Variants in VCAN observed in about 807,000 individuals in gnomAD.
VCAN encodes versican, also known as versican core protein.
VCAN carries 44 observed loss-of-function variants against 245.5 expected under a neutral mutation model. The observed-to-expected ratio is 0.18, with a 90% CI of 0.14 to 0.23. The LOEUF (loss-of-function observed/expected upper bound fraction) is 0.23. Among genes scored for constraint, VCAN ranks in the 10% least tolerant of loss-of-function variants. The pLI is 1.00. For synonymous variants in VCAN, 1,413 were observed against 1,437.0 expected, an observed-to-expected ratio of 0.98 and a Z score of 0.38; for missense variants, 3,793 against 4,057.9, an observed-to-expected ratio of 0.93 and a Z score of 1.77.
In VCAN at chr5:83,547,354, AACATTCTTAGG is replaced by A. The variant is rs1402368231; in HGVS notation, c.9380-616_9380-606del. ...GGTGGAATTGGAATTGTGGATTTTT[AACATTCTTAGG>A]TGATGCTGATGTTGTTTGTGGTCCA... On this transcript the variant is annotated intron_variant, in intron 9 of 14. Transcript: ENST00000265077. Among the ~76,000 whole-genome samples the A allele has an allele frequency of 4.7e-4, 72 of 152,188 alleles. 1 individual carries two copies. Among genetic ancestry groups the A allele is most frequent in the Admixed American group, 4.7e-3 (72 of 15,278 alleles).
intron 12 of VCAN, among the ~76,000 whole-genome samples, chr5:83,556,152 C>T (rs1258950730): frequency 6.6e-6 from 1 of 152,146 alleles, no homozygotes; most frequent in Non-Finnish European, 1.5e-5. Context: ...TAAGCACTTG[C>T]TTATGTTTAT....
rs2112439335 is a variant in VCAN at position 83,537,150 on chromosome 5, C to G, written c.4147C>G (p.Leu1383Val). The change falls in exon 8 of 15, where the codon CTA becomes GTA. Residue 1383 changes from leucine (L) to valine (V), a missense_variant. By Grantham distance (32) the Leu-to-Val change is conservative (BLOSUM62 1). Around this residue, in one of 5 missense-constraint regions of VCAN, gnomAD observed 3,182 missense variants for 3,250.3 expected, o/e 0.98. Transcript: ENST00000265077. ...ATTCCCTGACATAATTGAAATAGAC[C>G]TATACCACAGTGAAGAAAATGAAGA... ...PEFPDIIEID[L>V]YHSEENEEEE... 6.2e-7 allele frequency: 1 copy of G among 1,613,692 alleles called. No homozygotes were observed. Among genetic ancestry groups the G allele is most frequent in the East Asian group, 2.2e-5 (1 of 44,844 alleles).
In VCAN at chr5:83,519,968, A is replaced by G; in HGVS notation, c.1662A>G (p.Glu554=). 1 of 1,614,098 alleles carries G rather than the reference A, an allele frequency of 6.2e-7. No homozygotes were observed. Among genetic ancestry groups the G allele is most frequent in the Non-Finnish European group, 8.5e-7 (1 of 1,179,968 alleles). ...TTGHYGFTLG[E]EDDEDRTLTV... ...GTCACTATGGATTCACCTTGGGAGA[A>G]GAGGATGATGAAGACAGAACACTTA... The change falls in exon 7 of 15, where the codon GAA becomes GAG. Residue 554 remains glutamate, a synonymous_variant. Coordinates refer to ENST00000265077, the MANE Select transcript of VCAN (RefSeq NM_004385.5).
At chr5:83,501,398 T>C (rs540299449) in intron 5 of VCAN, among the ~76,000 whole-genome samples, 1 of 152,328 alleles carries the variant, frequency 6.6e-6, no homozygotes, top group East Asian at 1.9e-4. Context: ...TGAAGATTTA[T>C]CTCTGTGTTT....
Position 83,521,319 on chromosome 5 carries a change from C to T in VCAN, c.3013C>T (p.Leu1005Phe), listed in dbSNP as rs1746088709. 1 of 1,614,092 alleles carries T rather than the reference C, an allele frequency of 6.2e-7. No homozygotes were observed. The highest frequency in any genetic ancestry group is 1.7e-4 in the Middle Eastern group (1 of 6,058). Residue 1005 changes from leucine to phenylalanine, a missense_variant, in exon 7 of 15, where the codon CTT becomes TTT. This residue lies in a region of VCAN where 3,182 missense variants were observed against 3,250.3 expected (regional missense o/e 0.98). Transcript: ENST00000265077. ...TCTAGGTGAACCCTCTCAAGACATA[C>T]TTGTCATTGATCAGACTCGCCTTGA... The part of the protein sequence containing the change: ...EVLGEPSQDI[L>F]VIDQTRLEAT...
chr5:83,541,038 A>G lies in VCAN; in HGVS notation c.8035A>G (p.Thr2679Ala), dbSNP rs1746960647. 1.9e-6 allele frequency: 3 copies of G among 1,614,086 alleles called. No individual in the cohort carries two copies. Among genetic ancestry groups the G allele is most frequent in the Non-Finnish European group, 2.5e-6 (3 of 1,179,994 alleles). The part of the protein sequence containing the change: ...HFTTGIPAPS[T>A]ETELDVLLPT... ...CACAACTGGGATCCCTGCTCCTAGC[A>G]CAGAAACAGAATTAGACGTTTTACT... Residue 2679 changes from threonine (T) to alanine (A), a missense_variant, in exon 8 of 15, where the codon ACA becomes GCA. Thr to Ala is a moderately conservative substitution (Grantham distance 58). This residue lies in a region of VCAN where 3,182 missense variants were observed against 3,250.3 expected (regional missense o/e 0.98). Coordinates refer to ENST00000265077, the MANE Select transcript of VCAN (RefSeq NM_004385.5).
intron 5 of VCAN, among the ~76,000 whole-genome samples, chr5:83,511,230 C>T (rs1457300640): frequency 6.6e-6 from 1 of 151,348 alleles, no homozygotes; most frequent in Non-Finnish European, 1.5e-5. Context: ...CAACCTCTGC[C>T]TCCCGGGTTC....
intron 10 of VCAN, among the ~76,000 whole-genome samples, chr5:83,549,021 G>A (rs1420659672): frequency 6.6e-6 from 1 of 152,102 alleles, no homozygotes; most frequent in Admixed American, 6.5e-5. Context: ...TTATTGCATA[G>A]GGTAAATCTG....
chr5:83,547,546 C>T (rs915336203), intron 9 of VCAN, among the ~76,000 whole-genome samples: 1 of 152,008 alleles, frequency 6.6e-6, no homozygotes. Flanking sequence ...ATGGTGAGGC[C>T]AGTTAGATAC....
chr5:83,473,648 C>T (rs11949286), intron 1 of VCAN, among the ~76,000 whole-genome samples: 1 of 152,204 alleles, frequency 6.6e-6, no homozygotes, highest in South Asian at 2.1e-4. Flanking sequence ...TCCTTCGGAT[C>T]TGCCCCCAGT....
chr5:83,490,389 T>C lies in VCAN; in HGVS notation c.362T>C (p.Leu121Pro), dbSNP rs759355257. ...GCCTCCCTCACTGTGGTCAAGCTGCTGGCAAGTGATGCGGGTCTTTACCGC... is the reference window on the plus strand; with the variant it reads ...GCCTCCCTCACTGTGGTCAAGCTGCCGGCAAGTGATGCGGGTCTTTACCGC... ...GDASLTVVKLLASDAGLYRCD... is the reference protein window; with the variant it reads ...GDASLTVVKLPASDAGLYRCD... Residue 121 changes from leucine to proline, a missense_variant, in exon 3 of 15, where the codon CTG becomes CCG. By Grantham distance (98) the Leu-to-Pro change is moderately conservative. Coordinates refer to ENST00000265077, the MANE Select transcript of VCAN (RefSeq NM_004385.5). 1.9e-6 allele frequency: 3 copies of C among 1,614,212 alleles called. No homozygotes were observed. The highest frequency in any genetic ancestry group is 1.7e-5 in the Admixed American group (1 of 60,022).
At chr5:83,490,580 A>G in intron 3 of VCAN, 108 bp downstream of exon 3, 2 of 1,494,944 alleles carry the variant, frequency 1.3e-6, no homozygotes, top group Non-Finnish European at 1.8e-6. Context: ...GGATGAGCGG[A>G]AAAACACCTG....
chr5:83,521,386 C>T lies in VCAN; in HGVS notation c.3080C>T (p.Thr1027Ile). Residue 1027 changes from threonine to isoleucine, a missense_variant, in exon 7 of 15, where the codon ACA becomes ATA. Physicochemically the swap from Thr to Ile is moderately conservative, Grantham distance 89. Coordinates refer to ENST00000265077, the MANE Select transcript of VCAN (RefSeq NM_004385.5). ...SPETMRTTKI[T>I]EGTTQEEFPW... ...GAAACTATGAGAACAACAAAAATCA[C>T]AGAGGGAACAACTCAGGAAGAATTC... 1 of 1,614,096 alleles carries T rather than the reference C, an allele frequency of 6.2e-7. No homozygotes were observed. Among genetic ancestry groups the T allele is most frequent in the Non-Finnish European group, 8.5e-7 (1 of 1,180,000 alleles).
At position 83,519,936 on chromosome 5, in the gene VCAN, A is replaced by G; in HGVS notation, c.1630A>G (p.Thr544Ala). 1 of 1,614,118 alleles carries G rather than the reference A, an allele frequency of 6.2e-7. No homozygotes were observed. Among genetic ancestry groups the G allele is most frequent in the African/African-American group, 1.3e-5 (1 of 75,054 alleles). The change falls in exon 7 of 15, where the codon ACC becomes GCC. Residue 544 changes from threonine (T) to alanine (A), a missense_variant. Thr to Ala is a moderately conservative substitution (Grantham distance 58). Transcript: ENST00000265077. ...GGTAAGCACTGTTTCTGAATTGGTA[A>G]CCACAGGTCACTATGGATTCACCTT... The part of the protein sequence containing the change: ...KMVSTVSELV[T>A]TGHYGFTLGE...
intron 13 of VCAN, among the ~76,000 whole-genome samples, chr5:83,579,375 T>G (rs975502173): frequency 2.6e-5 from 4 of 152,182 alleles, no homozygotes; most frequent in Admixed American, 2.6e-4. Context: ...GTGATTCTCC[T>G]GCCTAAGCCT....
Position 83,538,642 on chromosome 5 carries a change from C to T in VCAN, c.5639C>T (p.Thr1880Ile), listed in dbSNP as rs1746828855. 3 of 1,614,124 alleles carry T rather than the reference C, an allele frequency of 1.9e-6. No individual in the cohort carries two copies. The highest frequency in any genetic ancestry group is 2.5e-6 in the Non-Finnish European group (3 of 1,179,976). The part of the protein sequence containing the change: ...LSPHVETTFS[T>I]EPTGLVLSTV... ...CCGCATGTGGAAACTACATTCTCCA[C>T]TGAGCCAACAGGACTGGTTTTGAGT... Residue 1880 changes from threonine (T) to isoleucine (I), a missense_variant, in exon 8 of 15, where the codon ACT (threonine) becomes ATT (isoleucine). Thr to Ile is a moderately conservative substitution (Grantham distance 89). This residue lies in a region of VCAN where 3,182 missense variants were observed against 3,250.3 expected (regional missense o/e 0.98). Coordinates refer to ENST00000265077, the MANE Select transcript of VCAN (RefSeq NM_004385.5).
chr5:83,535,190 C>T (rs2112435678), intron 7 of VCAN, among the ~76,000 whole-genome samples: 1 of 151,924 alleles, frequency 6.6e-6, no homozygotes, highest in East Asian at 1.9e-4. Context: ...AATATTTTCT[C>T]ATTTATTTGA....
chr5:83,499,456 C>T (rs904147629), intron 5 of VCAN, among the ~76,000 whole-genome samples: 1 of 152,110 alleles, frequency 6.6e-6, no homozygotes, highest in African/African-American at 2.4e-5. Flanking sequence ...CTGGAAACTG[C>T]CTTCCACCAC....
At position 83,483,496 on chromosome 5, in the gene VCAN, T is replaced by A; in HGVS notation, c.-6-17T>A. ...CTGAATGCTTGTGATTTACTTTGTG[T>A]TTTTCTTCATTTCTAGGCCAAGATG... On this transcript the variant is annotated splice_polypyrimidine_tract_variant and intron_variant, in intron 1 of 14. Transcript: ENST00000265077. 1 of 1,608,378 alleles carries A rather than the reference T, an allele frequency of 6.2e-7. No individual in the cohort carries two copies. Among genetic ancestry groups the A allele is most frequent in the Non-Finnish European group, 8.5e-7 (1 of 1,175,196 alleles).
Sources: gnomAD v4.1 joint callset for allele counts (sites outside exome capture counted in the v4.1 genomes callset) on GRCh38, gnomAD v4.1.1 for gene constraint, gnomAD v4.1.1 regional missense constraint, MANE v1.5 for transcripts, NCBI Gene and HGNC (gene_info 2026-07-23, HGNC 2026-07-21) for gene names.